The following PTPRD variants were observed in gnomAD, a reference collection of about 807,000 sequenced individuals.
PTPRD encodes the protein receptor-type tyrosine-protein phosphatase delta.
A neutral mutation model predicts 214.5 loss-of-function variants in PTPRD; 34 were observed. That is an observed-to-expected ratio of 0.16 (90% CI 0.12 to 0.21). PTPRD has a LOEUF of 0.21. PTPRD is among the 10% of genes least tolerant of loss of function. The pLI, the probability that PTPRD is intolerant of heterozygous loss-of-function variation, is 1.00. For synonymous variants in PTPRD, 1,128 were observed against 845.7 expected, an observed-to-expected ratio of 1.33 and a Z score of -5.79; for missense variants, 2,545 against 2,398.7, an observed-to-expected ratio of 1.06 and a Z score of -1.27.
chr9:10,515,610 T>C (rs959394512), intron 2 of PTPRD, among the ~76,000 whole-genome samples: 1 of 152,008 alleles, frequency 6.6e-6, no homozygotes, highest in Non-Finnish European at 1.5e-5. Flanking sequence ...TAATATAAGA[T>C]CTACCTTCTT....
chr9:9,423,184 G>A (rs1426882094), intron 8 of PTPRD, among the ~76,000 whole-genome samples: 1 of 152,150 alleles, frequency 6.6e-6, no homozygotes, highest in African/African-American at 2.4e-5. Context: ...TCCAGTATAT[G>A]AAATGAAGGT....
intron 5 of PTPRD, among the ~76,000 whole-genome samples, chr9:9,768,088 T>C: frequency 6.6e-6 from 1 of 152,152 alleles, no homozygotes; most frequent in African/African-American, 2.4e-5. Context: ...TGCTTGTGGT[T>C]TTATACATAT....
At chr9:10,277,984 C>T (rs1165366122) in intron 3 of PTPRD, among the ~76,000 whole-genome samples, 1 of 151,870 alleles carries the variant, frequency 6.6e-6, no homozygotes, top group Non-Finnish European at 1.5e-5. Flanking sequence ...AGGGAGAAAA[C>T]CCTGTCTCTA....
At chr9:9,767,818 A>G (rs2098719041) in intron 5 of PTPRD, among the ~76,000 whole-genome samples, 1 of 152,160 alleles carries the variant, frequency 6.6e-6, no homozygotes. Flanking sequence ...AACTCAAAGA[A>G]TTTCAGTTCT....
chr9:10,464,416 G>GAA (rs1466183755), intron 2 of PTPRD, among the ~76,000 whole-genome samples: 2 of 151,108 alleles, frequency 1.3e-5, no homozygotes, highest in East Asian at 2.0e-4. Context: ...GAGAGACAGA[G>GAA]AGAGAGAGAG....
chr9:10,298,645 T>G (rs1272486313), intron 3 of PTPRD, among the ~76,000 whole-genome samples: 1 of 152,038 alleles, frequency 6.6e-6, no homozygotes, highest in Non-Finnish European at 1.5e-5. Context: ...TTCCCATGAT[T>G]GTGATGCCTT....
chr9:10,354,133 T>C (rs1300609148), intron 2 of PTPRD, among the ~76,000 whole-genome samples: 3 of 152,052 alleles, frequency 2.0e-5, no homozygotes, highest in Admixed American at 1.3e-4. Context: ...TAATTGCAAT[T>C]TTCATGCTCT....
At chr9:9,632,805 T>A (rs544984316) in intron 7 of PTPRD, among the ~76,000 whole-genome samples, 20 of 152,174 alleles carry the variant, frequency 1.3e-4, no homozygotes, top group Non-Finnish European at 5.9e-5. Flanking sequence ...AATGTGGCAC[T>A]ATGGGAACTA....
intron 8 of PTPRD, among the ~76,000 whole-genome samples, chr9:9,462,921 G>C (rs1251386302): frequency 7.9e-5 from 12 of 152,062 alleles, no homozygotes; most frequent in Non-Finnish European, 1.6e-4. Context: ...CATCACATCA[G>C]TTTTCTTTGT....
chr9:10,589,662 G>T (rs1591560306), intron 2 of PTPRD, among the ~76,000 whole-genome samples: 1 of 151,956 alleles, frequency 6.6e-6, no homozygotes, highest in African/African-American at 2.4e-5. Flanking sequence ...CTTTGACCCA[G>T]CAAATTCCTG....
intron 8 of PTPRD, among the ~76,000 whole-genome samples, chr9:9,539,576 C>G (rs1185695410): frequency 2.0e-5 from 3 of 151,782 alleles, no homozygotes; most frequent in Non-Finnish European, 4.4e-5. Context: ...TAGAAACACG[C>G]TGTCTTTAAC....
intron 2 of PTPRD, among the ~76,000 whole-genome samples, chr9:10,558,333 T>C (rs1340096655): frequency 6.6e-6 from 1 of 152,164 alleles, no homozygotes; most frequent in African/African-American, 2.4e-5. Context: ...TATAAGTAGA[T>C]GATGGAGGAA....
chr9:8,781,216 C>G (rs895974219), intron 11 of PTPRD, among the ~76,000 whole-genome samples: 24 of 152,112 alleles, frequency 1.6e-4, no homozygotes, highest in Non-Finnish European at 2.4e-4. Context: ...CGGCAGGGGG[C>G]AATCAGCTGT....
At chr9:9,694,303 G>A (rs1306351321) in intron 7 of PTPRD, among the ~76,000 whole-genome samples, 2 of 151,998 alleles carry the variant, frequency 1.3e-5, no homozygotes, top group Non-Finnish European at 2.9e-5. Flanking sequence ...GGTTCTTGCA[G>A]ACTTGTAGTG....
At chr9:8,934,481 A>T (rs58218394) in intron 11 of PTPRD, among the ~76,000 whole-genome samples, 397 of 6,162 alleles carry the variant, frequency 0.064, 8 homozygotes, top group East Asian at 0.32. Flanking sequence ...ATATATAAAT[A>T]TATATATATA....
intron 11 of PTPRD, among the ~76,000 whole-genome samples, chr9:8,856,172 GTAT>G (rs988296758): frequency 1.3e-5 from 2 of 150,862 alleles, no homozygotes; most frequent in African/African-American, 4.9e-5. Flanking sequence ...CTTTTACTGG[GTAT>G]TATTATATTA....
At chr9:8,986,172 G>C (rs1335641242) in intron 11 of PTPRD, among the ~76,000 whole-genome samples, 1 of 152,026 alleles carries the variant, frequency 6.6e-6, no homozygotes, top group Non-Finnish European at 1.5e-5. Flanking sequence ...GTTGGGTGCA[G>C]AACAGTTTTT....
At chr9:9,411,945 A>G (rs1369128911) in intron 8 of PTPRD, among the ~76,000 whole-genome samples, 2 of 152,222 alleles carry the variant, frequency 1.3e-5, no homozygotes, top group Non-Finnish European at 2.9e-5. Flanking sequence ...TCATTTTACA[A>G]GTGAAGAAAC....
chr9:10,425,477 G>A (rs150636810), intron 2 of PTPRD, among the ~76,000 whole-genome samples: 1 of 151,812 alleles, frequency 6.6e-6, no homozygotes, highest in Non-Finnish European at 1.5e-5. Context: ...CATCAGTAAT[G>A]TGCTACTTTG....
Sources: gnomAD v4.1 joint callset for allele counts (sites outside exome capture counted in the v4.1 genomes callset) on GRCh38, gnomAD v4.1.1 for gene constraint, MANE v1.5 for transcripts, NCBI Gene and HGNC (gene_info 2026-07-23, HGNC 2026-07-21) for gene names.